The following MTUS2 variants were observed in gnomAD, a reference collection of about 807,000 sequenced individuals.
MTUS2 encodes microtubule-associated tumor suppressor candidate 2.
MTUS2 carries 40 observed loss-of-function variants against 114.1 expected under a neutral mutation model. The observed-to-expected ratio is 0.35, with a 90% CI of 0.27 to 0.46. MTUS2 has a LOEUF of 0.46. Among genes scored for constraint, MTUS2 ranks in the 20% least tolerant of loss-of-function variants. The probability of loss-of-function intolerance (pLI) is 1.00; values close to 1 mark genes in which losing one functional copy is unlikely to be tolerated. For synonymous variants in MTUS2, 688 were observed against 672.0 expected, an observed-to-expected ratio of 1.02 and a Z score of -0.37; for missense variants, 1,679 against 1,705.4, an observed-to-expected ratio of 0.98 and a Z score of 0.27.
At chr13:29,226,124 C>G (rs997253109) in intron 5 of MTUS2, among the ~76,000 whole-genome samples, 1 of 152,078 alleles carries the variant, frequency 6.6e-6, no homozygotes, top group Non-Finnish European at 1.5e-5. Context: ...TTAAACCATG[C>G]CAGAGAAGCA....
chr13:29,188,077 G>T (rs1005359073), intron 5 of MTUS2, among the ~76,000 whole-genome samples: 1 of 152,148 alleles, frequency 6.6e-6, no homozygotes, highest in African/African-American at 2.4e-5. Context: ...TACCTCCCAG[G>T]AATACAGATC....
In MTUS2 at chr13:29,026,696, G is replaced by A. The variant is rs770177162; in HGVS notation, c.1998G>A (p.Gly666=). 26 of 1,614,020 alleles carry A rather than the reference G, an allele frequency of 1.6e-5. No individual in the cohort carries two copies. The South Asian group carries it at 2.9e-4, about 18-fold the overall frequency. ...TGGACGCCTCGCTGGTTCCAGTGGG[G>A]CTTCCATATGCCCCGCCCACATGTA... The part of the protein sequence containing the change: ...GQVDASLVPV[G]LPYAPPTCTM... The change falls in exon 3 of 16, where the codon GGG becomes GGA. Residue 666 remains glycine, a synonymous_variant. Coordinates refer to ENST00000612955, the MANE Select transcript of MTUS2 (RefSeq NM_001033602.4).
chr13:29,418,900 G>C (rs1208505122), intron 8 of MTUS2, among the ~76,000 whole-genome samples: 1 of 152,142 alleles, frequency 6.6e-6, no homozygotes, highest in Non-Finnish European at 1.5e-5. Flanking sequence ...ATTAAACCAA[G>C]ACATGGCCAG....
intron 2 of MTUS2, among the ~76,000 whole-genome samples, chr13:28,923,391 T>C (rs1881154602): frequency 6.6e-6 from 1 of 152,240 alleles, no homozygotes; most frequent in Admixed American, 6.5e-5. Flanking sequence ...GAGTCCTGTT[T>C]AGATCTTCCA....
intron 6 of MTUS2, among the ~76,000 whole-genome samples, chr13:29,312,100 G>A (rs375281448): frequency 5.9e-5 from 9 of 152,224 alleles, no homozygotes; most frequent in Admixed American, 4.6e-4. Flanking sequence ...GACAAGTCTC[G>A]CATACTTCAT....
Position 28,907,069 on chromosome 13 carries a change from C to G in MTUS2, c.-243+67219C>G, listed in dbSNP as rs891813988. Among the ~76,000 whole-genome samples the G allele has an allele frequency of 4.0e-4, 60 of 151,610 alleles. 3 individuals are homozygous for G. Among genetic ancestry groups the G allele is most frequent in the African/African-American group, 1.4e-3 (59 of 41,080 alleles). ...AGCAGATCTCTCGGCAGAAACCGTA[C>G]AAGCCAGAAGAGAGTGGGGGCCAGT... On this transcript the variant is annotated intron_variant, in intron 2 of 15. Coordinates refer to ENST00000612955, the MANE Select transcript of MTUS2 (RefSeq NM_001033602.4).
intron 9 of MTUS2, among the ~76,000 whole-genome samples, chr13:29,456,496 A>C (rs1229179170): frequency 6.6e-6 from 1 of 152,212 alleles, no homozygotes; most frequent in Non-Finnish European, 1.5e-5. Flanking sequence ...CAACCTGAAG[A>C]CCCAAGAAGC....
At chr13:29,261,557 GA>G (rs998425476) in intron 5 of MTUS2, among the ~76,000 whole-genome samples, 1 of 152,158 alleles carries the variant, frequency 6.6e-6, no homozygotes, top group Admixed American at 6.5e-5. Context: ...TTTTAGAACA[GA>G]AAAAATCCAA....
intron 4 of MTUS2, among the ~76,000 whole-genome samples, chr13:29,082,275 G>A (rs1889478211): frequency 6.6e-6 from 1 of 152,186 alleles, no homozygotes; most frequent in African/African-American, 2.4e-5. Flanking sequence ...AGAAATAAAT[G>A]TCTGTTGTTT....
intron 4 of MTUS2, among the ~76,000 whole-genome samples, chr13:29,059,107 G>T (rs1157158553): frequency 6.6e-6 from 1 of 152,034 alleles, no homozygotes; most frequent in Non-Finnish European, 1.5e-5. Flanking sequence ...AGGGAAACTA[G>T]TGCTGCTGTT....
chr13:29,429,090 C>G (rs762603723), intron 8 of MTUS2, among the ~76,000 whole-genome samples: 1 of 152,234 alleles, frequency 6.6e-6, no homozygotes, highest in Non-Finnish European at 1.5e-5. Flanking sequence ...CTCACATACT[C>G]TGCAGTGCCT....
chr13:29,433,652 G>T (rs2138652536), intron 8 of MTUS2, among the ~76,000 whole-genome samples: 1 of 152,262 alleles, frequency 6.6e-6, no homozygotes, highest in East Asian at 1.9e-4. Context: ...CACAAAAGGT[G>T]GTATGAAAAC....
At chr13:28,832,774 T>TAGAA (rs1555265989) in intron 1 of MTUS2, among the ~76,000 whole-genome samples, 2 of 149,956 alleles carry the variant, frequency 1.3e-5, no homozygotes, top group Admixed American at 6.6e-5. Flanking sequence ...AGAAAAACAA[T>TAGAA]AAAATCAATA....
chr13:29,014,310 T>C (rs1031259822), intron 2 of MTUS2, among the ~76,000 whole-genome samples: 1 of 152,210 alleles, frequency 6.6e-6, no homozygotes, highest in African/African-American at 2.4e-5. Context: ...ACTAATAATA[T>C]CTGTTTCTTC....
rs1475150082 is a variant in MTUS2, at chr13:29,367,145, A to G, written c.3117+7672A>G. Among the ~76,000 whole-genome samples, 62 of 152,100 alleles carry G rather than the reference A, an allele frequency of 4.1e-4. 1 individual carries two copies. Among genetic ancestry groups the G allele is most frequent in the Admixed American group, 4.0e-3 (61 of 15,268 alleles). On this transcript the variant is annotated intron_variant, in intron 8 of 15. Transcript: ENST00000612955. ...ACTGAAATCATGGACAACAGAGTGGACTGTGAAGCCTGTCAAGCAGGCAGG... is the reference window on the plus strand; with the variant it reads ...ACTGAAATCATGGACAACAGAGTGGGCTGTGAAGCCTGTCAAGCAGGCAGG...
At chr13:29,000,257 T>C (rs1885323809) in intron 2 of MTUS2, among the ~76,000 whole-genome samples, 3 of 152,254 alleles carry the variant, frequency 2.0e-5, no homozygotes, top group African/African-American at 4.8e-5. Flanking sequence ...ATAGTGGTAA[T>C]GAAATTCTTT....
At position 29,496,726 on chromosome 13, in the gene MTUS2, G is replaced by A. The variant is rs1019544367; in HGVS notation, c.3580-512G>A. 3.9e-5 allele frequency among the ~76,000 whole-genome samples: 6 copies of A among 152,180 alleles called. No homozygotes were observed. The highest frequency in any genetic ancestry group is 2.6e-4 in the Admixed American group (4 of 15,286). The stretch of plus-strand genomic sequence containing the variant: ...TGTGGGTTCTAGGGACATTCAGGAG[G>A]CAGGATGGCAGGAGTTGATTATGGA... On this transcript the variant is annotated intron_variant, in intron 12 of 15. Transcript: ENST00000612955. The surrounding 1 kb of genome is among the most constrained non-coding windows in gnomAD (Gnocchi z 4.3).
At chr13:29,321,354 G>A (rs1029828546) in intron 6 of MTUS2, among the ~76,000 whole-genome samples, 1 of 152,178 alleles carries the variant, frequency 6.6e-6, no homozygotes. Flanking sequence ...TAGACACTCA[G>A]GGATCTCATT....
In MTUS2 at chr13:28,875,182, A is replaced by C. The variant is rs1036219294; in HGVS notation, c.-243+35332A>C. On this transcript the variant is annotated intron_variant, in intron 2 of 15. Transcript: ENST00000612955. ...CCTCCAAACTTAGATAAAGCACCAG[A>C]TAGCACAGTACTTGGTACATAATGG... Among the ~76,000 whole-genome samples the C allele has an allele frequency of 6.6e-5, 10 of 152,066 alleles. No individual in the cohort carries two copies. In the East Asian group the frequency reaches 7.8e-4, roughly 12 times the overall value.
Sources: allele counts gnomAD v4.1 joint callset (sites outside exome capture counted in the v4.1 genomes callset), GRCh38; gene constraint gnomAD v4.1.1; non-coding constraint Gnocchi (gnomAD v3.1); transcripts MANE v1.5; gene names NCBI Gene and HGNC (gene_info 2026-07-23, HGNC 2026-07-21).